The following HIVEP1 variants were observed in gnomAD, a reference collection of about 807,000 sequenced individuals.
The protein encoded by HIVEP1 is HIVEP zinc finger 1.
Under a neutral mutation model 180.0 loss-of-function variants are expected in HIVEP1, and 36 were observed. The ratio of observed to expected loss-of-function variants is 0.20; its 90% CI spans 0.15 to 0.26. HIVEP1 has a LOEUF of 0.26. Ranked by LOEUF, HIVEP1 falls within the 10% of genes least tolerant of loss-of-function variation. The pLI is 1.00. For missense variants in HIVEP1, 3,143 were observed against 3,268.7 expected (o/e 0.96, Z 0.94); for synonymous variants, 1,239 against 1,239.0 (o/e 1.00, Z 0.00).
chr6:12,197,807 G>A, the HIVEP1 span, among the ~76,000 whole-genome samples: 1 of 152,142 alleles, frequency 6.6e-6, no homozygotes. Context: ...AGGACGGACT[G>A]TTAAAGTGAT....
chr6:12,205,197 C>T, the HIVEP1 span, among the ~76,000 whole-genome samples: 8 of 152,196 alleles, frequency 5.3e-5, 1 homozygote, highest in South Asian at 1.2e-3. Flanking sequence ...AGCGGCTGGG[C>T]GCGGTGGCTC....
chr6:12,036,889 C>T (rs1319004609), intron 2 of HIVEP1, among the ~76,000 whole-genome samples: 2 of 152,218 alleles, frequency 1.3e-5, no homozygotes, highest in Non-Finnish European at 2.9e-5. Flanking sequence ...GCCTGGGCAA[C>T]AGAAGATTCA....
rs762362516 is a variant in HIVEP1, at chr6:12,121,752, G to A, written c.1957G>A (p.Asp653Asn). Residue 653 changes from aspartate (D) to asparagine (N), a missense_variant, in exon 4 of 9, where the codon GAT becomes AAT. Physicochemically the swap from Asp to Asn is conservative, Grantham distance 23. This residue lies in a region of HIVEP1 where 365 missense variants were observed against 344.4 expected (regional missense o/e 1.06). Transcript: ENST00000379388. This position sits in a 1 kb window ranked among gnomAD's most constrained non-coding sequence, Gnocchi z 5.3. ...CCAGCTACAAAGGCAGCAGGCTACC[G>A]ATTACTCCCAAGAGCAGCAAGGAAA... ...HAQLQRQQAT[D>N]YSQEQQGKLL... 1.2e-6 allele frequency: 2 copies of A among 1,614,136 alleles called. No homozygotes were observed. Among genetic ancestry groups the A allele is most frequent in the Non-Finnish European group, 8.5e-7 (1 of 1,180,016 alleles).
At position 12,122,397 on chromosome 6, in the gene HIVEP1, G is replaced by T. The variant is rs1419079660; in HGVS notation, c.2602G>T (p.Asp868Tyr). 8 of 1,614,202 alleles carry T rather than the reference G, an allele frequency of 5.0e-6. No individual in the cohort carries two copies. The highest frequency in any genetic ancestry group is 5.9e-6 in the Non-Finnish European group (7 of 1,180,012). The change falls in exon 4 of 9, where the codon GAT becomes TAT. Residue 868 changes from aspartate (D) to tyrosine (Y), a missense_variant. This residue lies in a region of HIVEP1 where 204 missense variants were observed against 243.7 expected (regional missense o/e 0.84). Transcript: ENST00000379388. ...PHPLRGSQSF[D>Y]DKIGAFYDDV... ...TCCACTAAGAGGAAGTCAGTCATTT[G>T]ATGACAAAATTGGCGCTTTCTATGA... is the stretch of plus-strand genomic sequence containing the variant.
At chr6:12,145,516 A>T (rs1438619731) in intron 7 of HIVEP1, among the ~76,000 whole-genome samples, 10 of 85,454 alleles carry the variant, frequency 1.2e-4, no homozygotes, top group South Asian at 4.8e-4. Context: ...CTTAAAGTAT[A>T]AAAAAAAAAA....
rs373944424 is a variant in HIVEP1 at position 12,130,900 on chromosome 6, C to G, written c.6343C>G (p.Pro2115Ala). 14 of 1,612,502 alleles carry G rather than the reference C, an allele frequency of 8.7e-6. No individual in the cohort carries two copies. Among genetic ancestry groups the G allele is most frequent in the Non-Finnish European group, 1.2e-5 (14 of 1,178,902 alleles). ...KHIRTHTDVR[P>A]YHCTYCNFSF... ...CATACGAACCCATACAGATGTCCGC[C>G]CCTACCACTGCACTTACTGTAACTT... The change falls in exon 6 of 9, where the codon CCC becomes GCC. Residue 2115 changes from proline to alanine, a missense_variant. This residue lies in a region of HIVEP1 where 126 missense variants were observed against 168.5 expected (regional missense o/e 0.75). Transcript: ENST00000379388.
chr6:12,120,662 C>G lies in HIVEP1; in HGVS notation c.867C>G (p.His289Gln). The G allele has an allele frequency of 6.2e-7, 1 of 1,614,222 alleles. No individual in the cohort carries two copies. Among genetic ancestry groups the G allele is most frequent in the Non-Finnish European group, 8.5e-7 (1 of 1,180,044 alleles). Reference protein sequence around the residue: ...SASHLYHQHEHFVPKSNQHNQ... With the variant: ...SASHLYHQHEQFVPKSNQHNQ... ...CTCATTTGTATCATCAACATGAACA[C>G]TTTGTTCCCAAATCCAACCAACATA... Residue 289 changes from histidine (H) to glutamine (Q), a missense_variant, in exon 4 of 9, where the codon CAC becomes CAG. By Grantham distance (24) the His-to-Gln change is conservative. Coordinates refer to ENST00000379388, the MANE Select transcript of HIVEP1 (RefSeq NM_002114.4).
intron 2 of HIVEP1, among the ~76,000 whole-genome samples, chr6:12,070,149 TA>T (rs963611756): frequency 6.6e-6 from 1 of 152,200 alleles, no homozygotes; most frequent in Admixed American, 6.5e-5. Flanking sequence ...GCTATTTTAC[TA>T]TTAACTTTTT....
chr6:12,161,690 G>A lies in HIVEP1; in HGVS notation c.6739G>A (p.Asp2247Asn). 1.2e-6 allele frequency: 2 copies of A among 1,614,188 alleles called. No individual in the cohort carries two copies. Among genetic ancestry groups the A allele is most frequent in the Non-Finnish European group, 1.7e-6 (2 of 1,180,034 alleles). The change falls in exon 8 of 9, where the codon GAC becomes AAC. Residue 2247 changes from aspartate to asparagine, a missense_variant. By Grantham distance (23) the Asp-to-Asn change is conservative. Around this residue, in one of 12 missense-constraint regions of HIVEP1, gnomAD observed 595 missense variants for 602.2 expected, o/e 0.99. Transcript: ENST00000379388. ...TTCTGGGGTACACACGGACCCAATG[G>A]ACGTTCTGCCCAGGGCGCTGCTCAC... ...CFSGVHTDPM[D>N]VLPRALLTRM...
Position 12,161,648 on chromosome 6 carries a change from A to G in HIVEP1, c.6697A>G (p.Arg2233Gly). 2 of 1,614,160 alleles carry G rather than the reference A, an allele frequency of 1.2e-6. No homozygotes were observed. The highest frequency in any genetic ancestry group is 1.7e-6 in the Non-Finnish European group (2 of 1,180,016). The change falls in exon 8 of 9, where the codon AGG becomes GGG. Residue 2233 changes from arginine (R) to glycine (G), a missense_variant. Arg to Gly is a moderately radical substitution (Grantham distance 125). This residue lies in a region of HIVEP1 where 595 missense variants were observed against 602.2 expected (regional missense o/e 0.99). Coordinates refer to ENST00000379388, the MANE Select transcript of HIVEP1 (RefSeq NM_002114.4). ...CCCTGTGAGTACTGACGAGGATGTC[A>G]GGATCACCGATTGCTTTTCTGGGGT... is the stretch of plus-strand genomic sequence containing the variant. ...QDPVSTDEDV[R>G]ITDCFSGVHT... is the part of the protein sequence containing the mutation.
At chr6:12,150,658 A>G (rs1759651125) in intron 7 of HIVEP1, among the ~76,000 whole-genome samples, 1 of 152,148 alleles carries the variant, frequency 6.6e-6, no homozygotes, top group Non-Finnish European at 1.5e-5. Flanking sequence ...AGGCTTTAGG[A>G]TTTATACTTA....
the HIVEP1 span, among the ~76,000 whole-genome samples, chr6:12,172,581 G>T: frequency 2.0e-5 from 3 of 152,046 alleles, no homozygotes; most frequent in African/African-American, 7.2e-5. Context: ...CAAGATATTA[G>T]ATTTAAATTT....
intron 3 of HIVEP1, among the ~76,000 whole-genome samples, chr6:12,099,183 G>GGTTTTTTTTTTTTT (rs373744044): frequency 5.1e-5 from 7 of 138,460 alleles, no homozygotes; most frequent in African/African-American, 1.9e-4. Flanking sequence ...ATGTCACTGA[G>GGTTTTTTTTTTTTT]TTTTTTTTTT....
intron 2 of HIVEP1, 42 bp downstream of exon 2, chr6:12,015,710 C>A (rs1306231758): frequency 1.9e-6 from 3 of 1,565,884 alleles, no homozygotes; most frequent in Non-Finnish European, 2.6e-6. Context: ...TGCTGTAAAT[C>A]TTTTAACAAA....
intron 7 of HIVEP1, among the ~76,000 whole-genome samples, chr6:12,141,690 G>GAAAAAAAAAAAAAA (rs1759040723): frequency 3.2e-4 from 1 of 3,158 alleles, no homozygotes; most frequent in African/African-American, 7.4e-4. Flanking sequence ...CAAATGGAAA[G>GAAAAAAAAAAAAAA]CAAAAAAAAA....
At chr6:12,138,492 G>T (rs112958586) in intron 7 of HIVEP1, among the ~76,000 whole-genome samples, 4,899 of 152,276 alleles carry the variant, frequency 0.032, 104 homozygotes, top group Non-Finnish European at 0.046. Context: ...TGTCTGGAGG[G>T]TGCACTGTTT....
At chr6:12,016,650 C>A (rs2113571231) in intron 2 of HIVEP1, among the ~76,000 whole-genome samples, 2 of 152,274 alleles carry the variant, frequency 1.3e-5, no homozygotes, top group South Asian at 4.1e-4. Flanking sequence ...TCTCTGTTGC[C>A]TCAGGTGGAT....
intron 7 of HIVEP1, among the ~76,000 whole-genome samples, chr6:12,146,604 T>C (rs1034946813): frequency 6.6e-6 from 1 of 152,200 alleles, no homozygotes; most frequent in African/African-American, 2.4e-5. Context: ...TAATGGCATT[T>C]GTTTATTAAT....
the HIVEP1 span, among the ~76,000 whole-genome samples, chr6:12,180,012 A>G: frequency 6.6e-6 from 1 of 152,220 alleles, no homozygotes; most frequent in African/African-American, 2.4e-5. Flanking sequence ...AATAAGCTTT[A>G]TATCAATATG....
Sources: gnomAD v4.1 joint callset for allele counts (sites outside exome capture counted in the v4.1 genomes callset) on GRCh38, gnomAD v4.1.1 for gene constraint, gnomAD v4.1.1 regional missense constraint, Gnocchi (gnomAD v3.1) non-coding constraint, MANE v1.5 for transcripts, NCBI Gene and HGNC (gene_info 2026-07-23, HGNC 2026-07-21) for gene names.